The following CCDC146 variants were observed in gnomAD, a reference collection of about 807,000 sequenced individuals.
CCDC146 encodes coiled-coil domain-containing protein 146.
Under a neutral mutation model 119.3 loss-of-function variants are expected in CCDC146, and 92 were observed. The ratio of observed to expected loss-of-function variants is 0.77; its 90% CI spans 0.65 to 0.92. The LOEUF is 0.92. Among genes scored for constraint, CCDC146 ranks in the 40% least tolerant of loss-of-function variants. CCDC146 has a pLI of 0.00. For synonymous variants in CCDC146, 372 were observed against 371.8 expected (o/e 1.00, Z -0.01); for missense variants, 1,000 against 1,103.0 (o/e 0.91, Z 1.32).
intron 2 of CCDC146, among the ~76,000 whole-genome samples, chr7:77,170,497 T>A (rs943599951): frequency 3.9e-5 from 6 of 152,202 alleles, no homozygotes; most frequent in Non-Finnish European, 7.3e-5. Context: ...TACCCAGTAA[T>A]GGGATTGCTG....
intron 17 of CCDC146, among the ~76,000 whole-genome samples, chr7:77,291,883 G>A (rs1793950088): frequency 6.6e-6 from 1 of 152,198 alleles, no homozygotes; most frequent in African/African-American, 2.4e-5. Flanking sequence ...AGTCATTTCA[G>A]ATGCAGAACT....
At chr7:77,279,241 G>T in intron 13 of CCDC146, 140 bp downstream of exon 13, 1 of 612,704 alleles carries the variant, frequency 1.6e-6, no homozygotes, top group Non-Finnish European at 2.7e-6. Flanking sequence ...TCCAGCCTGG[G>T]TGACAGAATG....
intron 2 of CCDC146, among the ~76,000 whole-genome samples, chr7:77,221,378 A>G (rs551327041): frequency 2.4e-4 from 37 of 152,362 alleles, no homozygotes; most frequent in Non-Finnish European, 2.9e-4. Context: ...CATACAGTCA[A>G]CCAGTCCATA....
At chr7:77,244,891 AGAT>A (rs1461828141) in intron 4 of CCDC146, among the ~76,000 whole-genome samples, 1 of 152,234 alleles carries the variant, frequency 6.6e-6, no homozygotes, top group Non-Finnish European at 1.5e-5. Flanking sequence ...CCACATATAC[AGAT>A]GATATTTGTC....
chr7:77,277,692 G>A (rs540313256), intron 11 of CCDC146, among the ~76,000 whole-genome samples: 15 of 152,016 alleles, frequency 9.9e-5, no homozygotes, highest in Middle Eastern at 3.4e-3. Context: ...TTAAATATTC[G>A]TTTCTTCCTG....
chr7:77,271,301 A>G (rs1793508097), intron 9 of CCDC146, among the ~76,000 whole-genome samples: 1 of 151,232 alleles, frequency 6.6e-6, no homozygotes. Context: ...AGACCGGCCT[A>G]GCCTCCCAGC....
At chr7:77,186,289 T>A (rs1182127074) in intron 2 of CCDC146, among the ~76,000 whole-genome samples, 2 of 152,042 alleles carry the variant, frequency 1.3e-5, no homozygotes, top group Non-Finnish European at 2.9e-5. Flanking sequence ...ACATACACAC[T>A]ATAGAGTACT....
chr7:77,187,279 C>T (rs1285812899), intron 2 of CCDC146, among the ~76,000 whole-genome samples: 1 of 152,188 alleles, frequency 6.6e-6, no homozygotes, highest in African/African-American at 2.4e-5. Context: ...TATGCTGGAA[C>T]ATCCTGTTTA....
Position 77,287,591 on chromosome 7 carries a change from C to A in CCDC146, c.2415+14C>A, listed in dbSNP as rs1156930444. ...TTAGCCAAGAAGGTAGGCCTGAGAC[C>A]CTGCCTTTTCCCTTCTGCCCCTGCT... On this transcript the variant is annotated intron_variant, in intron 17 of 18. Coordinates refer to ENST00000285871, the MANE Select transcript of CCDC146 (RefSeq NM_020879.3). The A allele has an allele frequency of 1.2e-6, 2 of 1,607,906 alleles. No homozygotes were observed. The highest frequency in any genetic ancestry group is 1.7e-6 in the Non-Finnish European group (2 of 1,177,254).
intron 2 of CCDC146, among the ~76,000 whole-genome samples, chr7:77,208,329 G>C (rs1792117666): frequency 6.6e-6 from 1 of 152,164 alleles, no homozygotes; most frequent in East Asian, 1.9e-4. Context: ...TAATATCATA[G>C]AGTACACTTA....
At chr7:77,248,549 T>C (rs536554915) in intron 4 of CCDC146, among the ~76,000 whole-genome samples, 1 of 152,350 alleles carries the variant, frequency 6.6e-6, no homozygotes, top group South Asian at 2.1e-4. Context: ...TTTCATATGA[T>C]TTTCCAAGTG....
intron 8 of CCDC146, 35 bp downstream of exon 8, chr7:77,260,271 C>G (rs1371932037): frequency 6.9e-7 from 1 of 1,444,664 alleles, no homozygotes; most frequent in South Asian, 1.3e-5. Context: ...GTTCTGTCAT[C>G]TAAATTTTTC....
chr7:77,182,867 C>T (rs1419153185), intron 2 of CCDC146, among the ~76,000 whole-genome samples: 2 of 152,024 alleles, frequency 1.3e-5, no homozygotes, highest in Non-Finnish European at 2.9e-5. Flanking sequence ...TTCTCCCCTT[C>T]ACCCTATCAT....
intron 9 of CCDC146, among the ~76,000 whole-genome samples, chr7:77,267,461 A>G (rs943804929): frequency 1.3e-5 from 2 of 151,884 alleles, no homozygotes; most frequent in Non-Finnish European, 2.9e-5. Context: ...CTTTTGGTAT[A>G]TCTTCATACC....
At chr7:77,150,242 CAA>C (rs1791090721) in intron 1 of CCDC146, among the ~76,000 whole-genome samples, 3 of 151,304 alleles carry the variant, frequency 2.0e-5, no homozygotes, top group African/African-American at 7.3e-5. Flanking sequence ...CACCAAAATT[CAA>C]AAGACACTGC....
intron 2 of CCDC146, among the ~76,000 whole-genome samples, chr7:77,183,591 C>T (rs71573337): frequency 7.2e-5 from 11 of 152,170 alleles, no homozygotes; most frequent in Non-Finnish European, 1.3e-4. Flanking sequence ...GCCAGGAGTG[C>T]TTTCTTCCCT....
At chr7:77,188,941 A>G (rs192439255) in intron 2 of CCDC146, among the ~76,000 whole-genome samples, 53 of 152,174 alleles carry the variant, frequency 3.5e-4, no homozygotes, top group Middle Eastern at 3.4e-3. Context: ...CTCATCTCCA[A>G]CTTCTGCAAG....
chr7:77,152,717 G>C (rs1172945254), intron 1 of CCDC146, among the ~76,000 whole-genome samples: 1 of 152,136 alleles, frequency 6.6e-6, no homozygotes, highest in Non-Finnish European at 1.5e-5. Context: ...ACAAATTCAT[G>C]CCTAAAAGGA....
chr7:77,211,081 G>T (rs114748375), intron 2 of CCDC146, among the ~76,000 whole-genome samples: 2,453 of 152,184 alleles, frequency 0.016, 77 homozygotes, highest in African/African-American at 0.055. Context: ...ATACATTAGG[G>T]TATCTATAAA....
Sources: gnomAD v4.1 joint callset for allele counts (sites outside exome capture counted in the v4.1 genomes callset) on GRCh38, gnomAD v4.1.1 for gene constraint, MANE v1.5 for transcripts, NCBI Gene and HGNC (gene_info 2026-07-23, HGNC 2026-07-21) for gene names.